Variants in EML6 observed in about 807,000 individuals in gnomAD.
EML6 encodes the protein echinoderm microtubule-associated protein-like 6.
In EML6, 154 loss-of-function variants were observed where a neutral mutation model predicts 240.1. That is an observed-to-expected ratio of 0.64 (90% CI 0.56 to 0.73). The LOEUF is 0.73. EML6 is among the 30% of genes least tolerant of loss of function. EML6 has a pLI of 0.00. For missense variants in EML6, 2,964 were observed against 2,474.6 expected (o/e 1.20, Z -4.20); for synonymous variants, 1,148 against 899.0 (o/e 1.28, Z -4.95).
chr2:54,787,874 TAA>T (rs1330729678), intron 2 of EML6, among the ~76,000 whole-genome samples: 2 of 151,152 alleles, frequency 1.3e-5, no homozygotes, highest in Non-Finnish European at 2.9e-5. Context: ...AGGCCAGACC[TAA>T]GTTATTTGAA....
chr2:54,728,969 G>A (rs1020935128), intron 2 of EML6, among the ~76,000 whole-genome samples: 2 of 152,082 alleles, frequency 1.3e-5, no homozygotes, highest in African/African-American at 2.4e-5. Context: ...CTGTCCAGCC[G>A]CACCCCTCCA....
Position 54,866,898 on chromosome 2 carries a change from C to T in EML6, c.2051+14C>T. 2.1e-6 allele frequency: 3 copies of T among 1,458,892 alleles called. No homozygotes were observed. The highest frequency in any genetic ancestry group is 2.8e-5 in the African/African-American group (2 of 71,238). 90.4% of individuals were successfully genotyped at this position (1,458,892 alleles called of 1,614,324 possible). On this transcript the variant is annotated intron_variant, in intron 14 of 41. Coordinates refer to ENST00000356458, the MANE Select transcript of EML6 (RefSeq NM_001039753.4). ...GTTCATACACGGGTGGGTGGCCTGT[C>T]ATGGGCGCCCGTATGTGTTCCTCTG...
At chr2:54,807,171 A>T (rs1165528861) in intron 2 of EML6, among the ~76,000 whole-genome samples, 3 of 152,102 alleles carry the variant, frequency 2.0e-5, no homozygotes, top group African/African-American at 7.2e-5. Flanking sequence ...CAGTTTAAGC[A>T]TGACTTGACA....
intron 28 of EML6, among the ~76,000 whole-genome samples, chr2:54,933,467 G>A (rs1475973866): frequency 2.6e-5 from 4 of 152,164 alleles, no homozygotes; most frequent in Admixed American, 6.6e-5. Context: ...AGGCACGGTG[G>A]CTTATGCCTG....
chr2:54,803,441 C>T (rs1242800367), intron 2 of EML6, among the ~76,000 whole-genome samples: 4 of 152,168 alleles, frequency 2.6e-5, no homozygotes, highest in Admixed American at 2.0e-4. Context: ...ATCTTTGCCT[C>T]ATACCTTCGT....
chr2:54,844,179 A>C lies in EML6; in HGVS notation c.980A>C (p.Glu327Ala). Residue 327 changes from glutamate (E) to alanine (A), a missense_variant, in exon 8 of 42, where the codon GAG (glutamate) becomes GCG (alanine). Glu to Ala is a moderately radical substitution (Grantham distance 107, BLOSUM62 -1). Coordinates refer to ENST00000356458, the MANE Select transcript of EML6 (RefSeq NM_001039753.4). ...ATCCTACAGGGCCACTGCGAGGGTG[A>C]GCTCTGGGCTCTGGCCCTGCACCCC... ...MLILQGHCEG[E>A]LWALALHPKK... The C allele has an allele frequency of 6.4e-7, 1 of 1,551,702 alleles. No homozygotes were observed. Among genetic ancestry groups the C allele is most frequent in the South Asian group, 1.2e-5 (1 of 84,054 alleles).
intron 2 of EML6, among the ~76,000 whole-genome samples, chr2:54,726,984 G>GA (rs1558509407): frequency 1.3e-5 from 2 of 152,124 alleles, no homozygotes; most frequent in East Asian, 1.9e-4. Flanking sequence ...CTGATACAAG[G>GA]AAAAAAACCA....
chr2:54,833,795 T>G (rs1479692563), intron 7 of EML6, among the ~76,000 whole-genome samples: 1 of 152,202 alleles, frequency 6.6e-6, no homozygotes, highest in East Asian at 1.9e-4. Context: ...CACAAGATGA[T>G]ATAAACCAAC....
intron 14 of EML6, 143 bp from the exon 15 acceptor site, chr2:54,869,038 T>C: frequency 1.8e-6 from 1 of 551,158 alleles, no homozygotes; most frequent in Non-Finnish European, 3.2e-6. Context: ...CATATCCTCA[T>C]TTAAACATTG....
intron 13 of EML6, among the ~76,000 whole-genome samples, chr2:54,864,674 T>G (rs554365975): frequency 1.3e-5 from 2 of 152,214 alleles, no homozygotes; most frequent in African/African-American, 4.8e-5. Flanking sequence ...ATTTAAGATA[T>G]AGGCCTATGG....
intron 2 of EML6, among the ~76,000 whole-genome samples, chr2:54,801,490 T>G (rs1164392876): frequency 2.0e-5 from 3 of 152,212 alleles, no homozygotes; most frequent in African/African-American, 7.2e-5. Flanking sequence ...TTATTCATGC[T>G]TGACTCTCCA....
chr2:54,955,217 T>C (rs551654480), intron 32 of EML6, among the ~76,000 whole-genome samples: 2 of 152,338 alleles, frequency 1.3e-5, no homozygotes, highest in African/African-American at 4.8e-5. Flanking sequence ...GCAGATTCAT[T>C]CCTTGTGATG....
intron 24 of EML6, among the ~76,000 whole-genome samples, chr2:54,905,153 C>T (rs1409396308): frequency 6.6e-6 from 1 of 152,006 alleles, no homozygotes; most frequent in Non-Finnish European, 1.5e-5. Flanking sequence ...CCAGGCAGGG[C>T]ACTGTGACTT....
rs1236801867 is a variant in EML6 at position 54,928,609 on chromosome 2, C to T, written c.3878-16C>T. On this transcript the variant is annotated splice_polypyrimidine_tract_variant and intron_variant, in intron 27 of 41. Coordinates refer to ENST00000356458, the MANE Select transcript of EML6 (RefSeq NM_001039753.4). The stretch of plus-strand genomic sequence containing the variant: ...TGCAAACCAACTGGCTCCCCAATCT[C>T]TTTCTGTTGTTTGAGGCTATGACAG... 2 of 1,552,170 alleles carry T rather than the reference C, an allele frequency of 1.3e-6. No homozygotes were observed. Among genetic ancestry groups the T allele is most frequent in the East Asian group, 2.4e-5 (1 of 40,918 alleles).
intron 7 of EML6, among the ~76,000 whole-genome samples, chr2:54,832,705 G>C (rs368926414): frequency 6.6e-6 from 1 of 150,926 alleles, no homozygotes; most frequent in Non-Finnish European, 1.5e-5. Flanking sequence ...AAAGAAAGCA[G>C]AGTGGACAGA....
chr2:54,788,672 A>G (rs1669226202), intron 2 of EML6, among the ~76,000 whole-genome samples: 1 of 152,250 alleles, frequency 6.6e-6, no homozygotes, highest in Non-Finnish European at 1.5e-5. Context: ...CTTGTCTAAT[A>G]GAATGGCTTA....
intron 7 of EML6, among the ~76,000 whole-genome samples, chr2:54,830,843 A>G (rs1475738183): frequency 2.0e-5 from 3 of 152,148 alleles, no homozygotes; most frequent in Non-Finnish European, 4.4e-5. Flanking sequence ...CTAATCCAGG[A>G]TTGGACTCTT....
chr2:54,945,610 G>A (rs899957230), intron 28 of EML6, among the ~76,000 whole-genome samples: 1 of 152,056 alleles, frequency 6.6e-6, no homozygotes, highest in Non-Finnish European at 1.5e-5. Context: ...CAACTGACTC[G>A]TGACCTCAGT....
chr2:54,968,562 A>C, intron 40 of EML6, 106 bp from the exon 41 acceptor site: 2 of 745,010 alleles, frequency 2.7e-6, no homozygotes. Context: ...GGAAGTCCCC[A>C]GTGAAGGAAG....
Sources: allele counts gnomAD v4.1 joint callset (sites outside exome capture counted in the v4.1 genomes callset), GRCh38; gene constraint gnomAD v4.1.1; transcripts MANE v1.5; gene names NCBI Gene and HGNC (gene_info 2026-07-23, HGNC 2026-07-21).